The following EMC8 variants were observed in gnomAD, a reference collection of about 807,000 sequenced individuals.
EMC8 encodes the protein ER membrane protein complex subunit 8.
In EMC8, 11 loss-of-function variants were observed where a neutral mutation model predicts 24.3. That is an observed-to-expected ratio of 0.45 (90% CI 0.28 to 0.75). The LOEUF is 0.75. Ranked by LOEUF, EMC8 falls within the 30% of genes least tolerant of loss-of-function variation. The pLI is 0.12. For synonymous variants in EMC8, 145 were observed against 117.7 expected (o/e 1.23, Z -1.50); for missense variants, 277 against 282.7 (o/e 0.98, Z 0.14).
chr16:85,798,473 G>A (rs527955515), intron 1 of EMC8, among the ~76,000 whole-genome samples: 1 of 152,252 alleles, frequency 6.6e-6, no homozygotes, highest in Admixed American at 6.5e-5. Flanking sequence ...TAGATAAGTT[G>A]TTAACCATTA....
chr16:85,797,180 G>C (rs1358202555), intron 1 of EMC8, among the ~76,000 whole-genome samples: 8 of 152,182 alleles, frequency 5.3e-5, no homozygotes, highest in Admixed American at 5.2e-4. Flanking sequence ...TGCGGAGGTG[G>C]CCGTATTACT....
chr16:85,789,541 C>T (rs567627329), intron 1 of EMC8, among the ~76,000 whole-genome samples: 2 of 152,258 alleles, frequency 1.3e-5, no homozygotes, highest in South Asian at 4.2e-4. Flanking sequence ...CCTGTAATCC[C>T]AGCACTTTGG....
intron 1 of EMC8, among the ~76,000 whole-genome samples, chr16:85,797,104 G>A (rs188651947): frequency 1.3e-5 from 2 of 152,304 alleles, no homozygotes; most frequent in East Asian, 1.9e-4. Flanking sequence ...CTTGACAACA[G>A]AACAATTAAG....
chr16:85,792,294 CATGA>C (rs1338279360), intron 1 of EMC8: 8 of 152,232 alleles, frequency 5.3e-5, no homozygotes, highest in Non-Finnish European at 1.2e-4. Context: ...AGAAAAATGT[CATGA>C]CCTGGAACTT....
chr16:85,797,954 G>A lies in EMC8; in HGVS notation c.231+1111C>T, dbSNP rs566332243. Among the ~76,000 whole-genome samples, 109 of 152,166 alleles carry A rather than the reference G, an allele frequency of 7.2e-4. 2 individuals are homozygous for A. The Middle Eastern group carries it at 0.01, about 14-fold the overall frequency. On this transcript the variant is annotated intron_variant, in intron 1 of 4. Coordinates refer to ENST00000253457, the MANE Select transcript of EMC8 (RefSeq NM_006067.5). ...GTCTTTTTCCCTTCATTGATCACCGGAACTGAAAAGCTACTGCCTAAAATT... is the reference window on the plus strand; with the variant it reads ...GTCTTTTTCCCTTCATTGATCACCGAAACTGAAAAGCTACTGCCTAAAATT...
At chr16:85,794,597 G>A (rs1905166054) in intron 1 of EMC8, among the ~76,000 whole-genome samples, 1 of 152,220 alleles carries the variant, frequency 6.6e-6, no homozygotes, top group African/African-American at 2.4e-5. Flanking sequence ...GCTGAGGCGG[G>A]AGAATCGCTT....
At chr16:85,782,738 C>T (rs1904567071) in intron 2 of EMC8, among the ~76,000 whole-genome samples, 2 of 152,088 alleles carry the variant, frequency 1.3e-5, no homozygotes, top group African/African-American at 4.8e-5. Flanking sequence ...TGCCTGATGG[C>T]CCCAAGACTG....
intron 2 of EMC8, among the ~76,000 whole-genome samples, chr16:85,782,291 C>G (rs888031747): frequency 6.6e-6 from 1 of 152,222 alleles, no homozygotes; most frequent in Admixed American, 6.5e-5. Flanking sequence ...CTTCTCCACG[C>G]TCATGAGCCT....
chr16:85,784,068 G>A (rs1054450273), intron 2 of EMC8, among the ~76,000 whole-genome samples: 3 of 152,026 alleles, frequency 2.0e-5, no homozygotes, highest in Admixed American at 6.6e-5. Flanking sequence ...GCGCGATCTC[G>A]GCTCACTGCA....
chr16:85,794,958 C>A (rs3794664), intron 1 of EMC8, among the ~76,000 whole-genome samples: 1 of 152,002 alleles, frequency 6.6e-6, no homozygotes, highest in Middle Eastern at 3.2e-3. Context: ...GGCATCTTTC[C>A]TCCCTGGTAA....
chr16:85,788,725 A>G (rs984399478), intron 2 of EMC8, among the ~76,000 whole-genome samples: 1 of 152,242 alleles, frequency 6.6e-6, no homozygotes, highest in African/African-American at 2.4e-5. Flanking sequence ...TGTCGCTTTC[A>G]TTGTATGAAT....
Position 85,780,689 on chromosome 16 carries a change from A to G in EMC8, c.379-216T>C, listed in dbSNP as rs1241749247. ...CAAGTCCTTCATTGTTTTTTCACAA[A>G]AGCGAAGCTTCCAAACATGACTTCT... On this transcript the variant is annotated intron_variant, in intron 3 of 4. Coordinates refer to ENST00000253457, the MANE Select transcript of EMC8 (RefSeq NM_006067.5). The G allele has an allele frequency of 7.0e-6, 4 of 575,130 alleles. No homozygotes were observed. The African/African-American group carries it at 7.5e-5, about 11-fold the overall frequency. 35.6% of individuals were successfully genotyped at this position (575,130 alleles called of 1,614,324 possible).
At chr16:85,791,491 C>G (rs1355243597) in intron 1 of EMC8, among the ~76,000 whole-genome samples, 2 of 152,190 alleles carry the variant, frequency 1.3e-5, no homozygotes, top group African/African-American at 4.8e-5. Flanking sequence ...CTGACAGGCG[C>G]TGGTGTGTGA....
intron 1 of EMC8, 72 bp downstream of exon 1, chr16:85,798,993 G>A (rs1905433011): frequency 1.8e-6 from 2 of 1,131,202 alleles, no homozygotes; most frequent in Non-Finnish European, 2.5e-6. Context: ...CGACCGCTGG[G>A]CCAGCTTCCT....
In EMC8 at chr16:85,799,478, C is replaced by G. The variant is rs1905484345; in HGVS notation, c.-183G>C. On this transcript the variant is annotated 5_prime_UTR_variant, in exon 1 of 5. Transcript: ENST00000253457. The surrounding 1 kb of genome is among the most constrained non-coding windows in gnomAD (Gnocchi z 4.2). ...TGGGCCTCGGCTCCTGGAAAAGCGA[C>G]TCGCGCCTCTGGGAAGCCGCAGCCC... The G allele has an allele frequency of 2.5e-6, 1 of 401,524 alleles. No homozygotes were observed. The highest frequency in any genetic ancestry group is 4.5e-5 in the Admixed American group (1 of 22,040). The allele number at this position is 401,524 out of a possible 1,614,324, so 24.9% of individuals were successfully genotyped here.
chr16:85,780,549 C>T lies in EMC8; in HGVS notation c.379-76G>A, dbSNP rs1384237395. The T allele has an allele frequency of 3.8e-5, 40 of 1,051,566 alleles. No individual in the cohort carries two copies. The East Asian group carries it at 9.6e-4, about 25-fold the overall frequency. 65.1% of individuals were successfully genotyped at this position (1,051,566 alleles called of 1,614,324 possible). A position where few individuals can be genotyped will look rare whatever the true frequency, so the allele number is the denominator to read the frequency against. On this transcript the variant is annotated intron_variant, in intron 3 of 4. Transcript: ENST00000253457. ...CAGCGGCAGGCGCCTCCTCGGGGCT[C>T]TCCCTGCAGCCGTGCCCACGCTGGC... is the stretch of plus-strand genomic sequence containing the variant.
At chr16:85,789,494 C>G (rs1350131074) in intron 1 of EMC8, among the ~76,000 whole-genome samples, 1 of 152,098 alleles carries the variant, frequency 6.6e-6, no homozygotes, top group Non-Finnish European at 1.5e-5. Flanking sequence ...CAGTCTCTTT[C>G]AAAACAAGTC....
At chr16:85,792,120 AG>A (rs1387486449) in intron 1 of EMC8, among the ~76,000 whole-genome samples, 1 of 151,800 alleles carries the variant, frequency 6.6e-6, no homozygotes, top group Non-Finnish European at 1.5e-5. Context: ...CTCATAGCCC[AG>A]TAAACACATA....
chr16:85,788,824 C>A (rs192200791), intron 2 of EMC8, 150 bp downstream of exon 2: 2 of 664,354 alleles, frequency 3.0e-6, no homozygotes, highest in Non-Finnish European at 5.4e-6. Flanking sequence ...ATTATCCACA[C>A]CACAGTTCGC....
Sources: allele counts gnomAD v4.1 joint callset (sites outside exome capture counted in the v4.1 genomes callset), GRCh38; gene constraint gnomAD v4.1.1; non-coding constraint Gnocchi (gnomAD v3.1); transcripts MANE v1.5; gene names NCBI Gene and HGNC (gene_info 2026-07-23, HGNC 2026-07-21).